PYGL: variants seen among roughly 807,000 people sequenced by gnomAD.
PYGL encodes glycogen phosphorylase, liver form.
In PYGL, 90 loss-of-function variants were observed where a neutral mutation model predicts 100.1. The ratio of observed to expected loss-of-function variants is 0.90; its 90% CI spans 0.76 to 1.07. PYGL has a LOEUF of 1.07. PYGL is among the 50% of genes least tolerant of loss of function. PYGL has a pLI of 0.00. For synonymous variants in PYGL, 373 were observed against 393.0 expected (o/e 0.95, Z 0.60); for missense variants, 1,016 against 1,057.6 (o/e 0.96, Z 0.55).
chr14:50,931,696 G>A lies in PYGL; in HGVS notation c.505C>T (p.Gln169Ter). 1 of 1,613,812 alleles carries A rather than the reference G, an allele frequency of 6.2e-7. No individual in the cohort carries two copies. Among genetic ancestry groups the A allele is most frequent in the Non-Finnish European group, 8.5e-7 (1 of 1,179,788 alleles). ...GIRYEYGIFNQKIRDGWQVEE... is the reference protein window; with the variant it reads ...GIRYEYGIFN ...ACCTGCCATCCATCTCGGATCTTCT[G>A]ATTGAAAATCCCATATTCATACCGA... The change falls in exon 4 of 20, where the codon CAG becomes TAG. Residue 169 changes from glutamine to a stop codon, truncating the protein, a stop_gained. Coordinates refer to ENST00000216392, the MANE Select transcript of PYGL (RefSeq NM_002863.5). LOFTEE classifies it high-confidence loss of function.
At chr14:50,914,365 T>C (rs2050426141) in intron 12 of PYGL, among the ~76,000 whole-genome samples, 1 of 152,044 alleles carries the variant, frequency 6.6e-6, no homozygotes, top group Non-Finnish European at 1.5e-5. Context: ...GGCATTGTGA[T>C]GTGTGCCTGT....
At chr14:50,936,871 A>G (rs575326901) in intron 2 of PYGL, among the ~76,000 whole-genome samples, 8 of 152,280 alleles carry the variant, frequency 5.3e-5, no homozygotes, top group East Asian at 1.9e-4. Context: ...GGCTACTCCA[A>G]GGGAGAGATG....
intron 7 of PYGL, among the ~76,000 whole-genome samples, chr14:50,918,271 T>C (rs2050471627): frequency 6.6e-6 from 1 of 152,196 alleles, no homozygotes; most frequent in Non-Finnish European, 1.5e-5. Context: ...TTAAACAGCA[T>C]GGAGATTCCT....
intron 4 of PYGL, among the ~76,000 whole-genome samples, chr14:50,929,240 T>G (rs10133328): frequency 0.26 from 38,784 of 151,740 alleles, 5,551 homozygotes; most frequent in East Asian, 0.53. Context: ...TAGTAGAGAC[T>G]GGGGGTTTCA....
chr14:50,923,391 G>C (rs574924519), intron 5 of PYGL: 1 of 153,150 alleles, frequency 6.5e-6, no homozygotes, highest in Admixed American at 6.5e-5. Context: ...AGGTTCAAGC[G>C]ATTCTCCTGC....
chr14:50,921,018 T>C lies in PYGL; in HGVS notation c.710A>G (p.Asn237Ser), dbSNP rs1302556075. ...YDTPVPGYMN[N>S]TVNTMRLWSA... is the part of the protein sequence containing the mutation. ...CCAGAGGCGCATGGTGTTGACAGTG[T>C]TATTCATGTAGCCGGGCACGGGGGT... Residue 237 changes from asparagine to serine, a missense_variant, in exon 6 of 20, where the codon AAC becomes AGC. Transcript: ENST00000216392. The C allele has an allele frequency of 6.2e-7, 1 of 1,614,234 alleles. No homozygotes were observed. The highest frequency in any genetic ancestry group is 1.7e-4 in the Middle Eastern group (1 of 6,060).
intron 1 of PYGL, among the ~76,000 whole-genome samples, chr14:50,939,906 ATT>A (rs1566515585): frequency 1.3e-5 from 2 of 152,352 alleles, no homozygotes; most frequent in African/African-American, 4.8e-5. Context: ...TGGAAATTTC[ATT>A]CTTTCCCATT....
chr14:50,924,068 T>C lies in PYGL; in HGVS notation c.561A>G (p.Gly187=), dbSNP rs1026913850. ...CTGGGCGGGACTTCTCCCAAGGGTT[T>C]CCATATCTGAGCCAATCATCTGCTT... ...VEEADDWLRY[G]NPWEKSRPEF... Residue 187 remains glycine (G), a synonymous_variant, in exon 5 of 20, where the codon GGA becomes GGG. Transcript: ENST00000216392. 9 of 1,613,784 alleles carry C rather than the reference T, an allele frequency of 5.6e-6. No homozygotes were observed. The highest frequency in any genetic ancestry group is 7.6e-6 in the Non-Finnish European group (9 of 1,179,778).
chr14:50,935,212 G>A, intron 2 of PYGL, 27 bp from the exon 3 acceptor site: 1 of 1,574,542 alleles, frequency 6.4e-7, no homozygotes, highest in Non-Finnish European at 8.7e-7. Context: ...AACAATATTG[G>A]AAGCAGATAA....
chr14:50,919,832 CCATCA>C (rs2050484672), intron 7 of PYGL, among the ~76,000 whole-genome samples: 1 of 152,092 alleles, frequency 6.6e-6, no homozygotes. Context: ...CAGGCGCCTA[CCATCA>C]CACCTGGCTA....
chr14:50,929,933 A>G (rs2139189284), intron 4 of PYGL, among the ~76,000 whole-genome samples: 1 of 152,358 alleles, frequency 6.6e-6, no homozygotes, highest in East Asian at 1.9e-4. Flanking sequence ...GTAGAAGAGT[A>G]CATAGAAGAC....
intron 3 of PYGL, among the ~76,000 whole-genome samples, chr14:50,933,957 C>A (rs966904436): frequency 3.9e-5 from 6 of 152,132 alleles, no homozygotes; most frequent in Admixed American, 1.3e-4. Flanking sequence ...TAGGAAAGTA[C>A]ATCTAGGTCA....
chr14:50,943,241 C>A (rs1371468414), intron 1 of PYGL, among the ~76,000 whole-genome samples: 2 of 152,202 alleles, frequency 1.3e-5, no homozygotes, highest in African/African-American at 2.4e-5. Flanking sequence ...CAGACTCACA[C>A]CCGCCCTCAC....
At chr14:50,943,197 C>T (rs1016262947) in intron 1 of PYGL, among the ~76,000 whole-genome samples, 1 of 152,046 alleles carries the variant, frequency 6.6e-6, no homozygotes, top group Non-Finnish European at 1.5e-5. Context: ...TCCAATATGT[C>T]TCTACCTGGC....
intron 19 of PYGL, among the ~76,000 whole-genome samples, chr14:50,905,999 A>G (rs1318879176): frequency 6.6e-6 from 1 of 152,188 alleles, no homozygotes; most frequent in Non-Finnish European, 1.5e-5. Context: ...TGTTAGCTAT[A>G]ATGCAGGCAA....
chr14:50,905,379 ACAATTCTAGAGTT>A lies in PYGL; in HGVS notation c.2544_*12del, dbSNP rs752100457. On this transcript the variant is annotated stop_lost and 3_prime_UTR_variant, in exon 20 of 20. Coordinates refer to ENST00000216392, the MANE Select transcript of PYGL (RefSeq NM_002863.5). ...CAGTAAGAAGCTATGTTTTCTAGAG[ACAATTCTAGAGTT>A]CAATTTCCATTGACTTTGTTAGATT... is the stretch of plus-strand genomic sequence containing the variant. 5.4e-5 allele frequency: 84 copies of A among 1,542,396 alleles called. No individual in the cohort carries two copies. The highest frequency in any genetic ancestry group is 6.6e-5 in the Non-Finnish European group (75 of 1,142,704).
In PYGL at chr14:50,942,540, G is replaced by A. The variant is rs533846312; in HGVS notation, c.243+1621C>T. On this transcript the variant is annotated intron_variant, in intron 1 of 19. Transcript: ENST00000216392. Reference sequence around the variant, plus strand: ...TGTAAATAAATTTTTAAAAGATAGTGGCCGAGTGTGGTGGCTCACACCTGT... The same window carrying A: ...TGTAAATAAATTTTTAAAAGATAGTAGCCGAGTGTGGTGGCTCACACCTGT... Among the ~76,000 whole-genome samples the A allele has an allele frequency of 3.6e-5, 5 of 140,308 alleles. No homozygotes were observed. The South Asian group carries it at 1.3e-3, about 35-fold the overall frequency. 92.0% of individuals were successfully genotyped at this position (140,308 alleles called of 152,430 possible). A position where few individuals can be genotyped will look rare whatever the true frequency, so the allele number is the denominator to read the frequency against.
chr14:50,922,254 A>G (rs1224101124), intron 5 of PYGL, among the ~76,000 whole-genome samples: 1 of 152,204 alleles, frequency 6.6e-6, no homozygotes, highest in African/African-American at 2.4e-5. Flanking sequence ...GCCCAAGATC[A>G]CAGTCATGGC....
Position 50,916,696 on chromosome 14 carries a change from C to T in PYGL, c.1038G>A (p.Ala346=), listed in dbSNP as rs759759626. ...IQLNDTHPAL[A]IPELMRIFVD... ...CAAAAATCCTCATCAGCTCAGGGAT[C>T]GCGAGTGCAGGGTGAGTGTCATTCA... Residue 346 remains alanine (A), a synonymous_variant, in exon 9 of 20, where the codon GCG becomes GCA. Transcript: ENST00000216392. 8 of 1,614,076 alleles carry T rather than the reference C, an allele frequency of 5.0e-6. No individual in the cohort carries two copies. Among genetic ancestry groups the T allele is most frequent in the Middle Eastern group, 1.6e-4 (1 of 6,080 alleles).
Sources: allele counts gnomAD v4.1 joint callset (sites outside exome capture counted in the v4.1 genomes callset), GRCh38; gene constraint gnomAD v4.1.1; transcripts MANE v1.5; gene names NCBI Gene and HGNC (gene_info 2026-07-23, HGNC 2026-07-21).